DLG2: variants seen among roughly 807,000 people sequenced by gnomAD.
DLG2 encodes the protein disks large homolog 2.
A neutral mutation model predicts 132.5 loss-of-function variants in DLG2; 45 were observed. The observed-to-expected ratio is 0.34, with a 90% CI of 0.27 to 0.44. The LOEUF (loss-of-function observed/expected upper bound fraction) is 0.44, where lower values mean the gene tolerates loss of function less well. Ranked by LOEUF, DLG2 falls within the 20% of genes least tolerant of loss-of-function variation. DLG2 has a pLI of 1.00. For synonymous variants in DLG2, 424 were observed against 419.6 expected (o/e 1.01, Z -0.13); for missense variants, 1,045 against 1,196.9 (o/e 0.87, Z 1.87).
chr11:83,515,526 A>G (rs1209187740), intron 21 of DLG2, among the ~76,000 whole-genome samples: 2 of 151,960 alleles, frequency 1.3e-5, no homozygotes, highest in African/African-American at 4.8e-5. Context: ...TATTTCCTTC[A>G]GTTCTGCTCT....
chr11:85,316,063 T>TG (rs2080650147), intron 3 of DLG2, among the ~76,000 whole-genome samples: 1 of 152,036 alleles, frequency 6.6e-6, no homozygotes, highest in Non-Finnish European at 1.5e-5. Flanking sequence ...GTTGAATTAC[T>TG]GTTCACCACT....
chr11:85,560,875 T>A (rs990174824), intron 3 of DLG2, among the ~76,000 whole-genome samples: 2 of 150,284 alleles, frequency 1.3e-5, no homozygotes, highest in Non-Finnish European at 3.0e-5. Context: ...CTACAAAAAA[T>A]TTAAAAATTA....
intron 3 of DLG2, among the ~76,000 whole-genome samples, chr11:85,544,543 C>T (rs189889328): frequency 2.6e-5 from 4 of 152,262 alleles, no homozygotes; most frequent in Non-Finnish European, 5.9e-5. Context: ...TCAATGGTAG[C>T]TTGATAGGGA....
At chr11:84,547,269 T>G (rs193288746) in intron 6 of DLG2, among the ~76,000 whole-genome samples, 1 of 152,144 alleles carries the variant, frequency 6.6e-6, no homozygotes, top group East Asian at 1.9e-4. Flanking sequence ...AAGGAAAAAT[T>G]TTTGCCTTTT....
chr11:84,920,301 T>C (rs1566396033), intron 6 of DLG2, among the ~76,000 whole-genome samples: 1 of 152,210 alleles, frequency 6.6e-6, no homozygotes, highest in Non-Finnish European at 1.5e-5. Context: ...CTTAGCTCCA[T>C]GCTTTTGCCA....
chr11:85,157,663 A>G (rs1413926187), intron 4 of DLG2, among the ~76,000 whole-genome samples: 1 of 152,168 alleles, frequency 6.6e-6, no homozygotes, highest in Non-Finnish European at 1.5e-5. Flanking sequence ...GGAGCCTCAA[A>G]TCTGCTAAGA....
At chr11:85,208,602 C>A (rs1475692724) in intron 4 of DLG2, among the ~76,000 whole-genome samples, 1 of 152,168 alleles carries the variant, frequency 6.6e-6, no homozygotes, top group Non-Finnish European at 1.5e-5. Flanking sequence ...ATTCTGATCA[C>A]ATTTTCCCTG....
At chr11:84,257,679 A>AT (rs1172548999) in intron 7 of DLG2, among the ~76,000 whole-genome samples, 3,764 of 105,880 alleles carry the variant, frequency 0.036, 107 homozygotes, top group Non-Finnish European at 0.05. Context: ...TTATCTCTGG[A>AT]TTTTTTTTTT....
At chr11:84,887,015 T>G (rs1330887759) in intron 6 of DLG2, among the ~76,000 whole-genome samples, 1 of 152,118 alleles carries the variant, frequency 6.6e-6, no homozygotes, top group East Asian at 1.9e-4. Context: ...ACTGAAGAGA[T>G]TCTCTCTCTG....
At chr11:85,187,104 AG>A (rs2080166845) in intron 4 of DLG2, among the ~76,000 whole-genome samples, 1 of 152,140 alleles carries the variant, frequency 6.6e-6, no homozygotes, top group Non-Finnish European at 1.5e-5. Context: ...ATATCTTTGC[AG>A]TCAAAAAACC....
chr11:84,159,999 T>C (rs774443106), intron 9 of DLG2, among the ~76,000 whole-genome samples: 1 of 152,148 alleles, frequency 6.6e-6, no homozygotes, highest in Non-Finnish European at 1.5e-5. Context: ...AGGGCAGCAG[T>C]TACTTTGGCC....
intron 6 of DLG2, among the ~76,000 whole-genome samples, chr11:85,082,033 T>G (rs1306637744): frequency 6.6e-6 from 1 of 152,156 alleles, no homozygotes; most frequent in Non-Finnish European, 1.5e-5. Context: ...TATCCATAGT[T>G]TGTTGAACTT....
intron 6 of DLG2, among the ~76,000 whole-genome samples, chr11:85,056,285 G>A (rs568546055): frequency 1.3e-5 from 2 of 152,098 alleles, no homozygotes; most frequent in East Asian, 3.9e-4. Context: ...ATTTTAAGAT[G>A]TAGAAAGTAG....
intron 6 of DLG2, among the ~76,000 whole-genome samples, chr11:84,793,712 G>A (rs909726028): frequency 6.6e-6 from 1 of 152,056 alleles, no homozygotes; most frequent in Admixed American, 6.5e-5. Context: ...TCTGATATTA[G>A]TATAGCTACT....
chr11:84,430,036 C>A (rs1419316469), intron 7 of DLG2, among the ~76,000 whole-genome samples: 1 of 152,130 alleles, frequency 6.6e-6, no homozygotes, highest in Non-Finnish European at 1.5e-5. Flanking sequence ...TGAGTTGGGG[C>A]TAGGGTCACA....
intron 6 of DLG2, among the ~76,000 whole-genome samples, chr11:84,568,573 T>C (rs938015896): frequency 3.3e-5 from 5 of 152,142 alleles, no homozygotes; most frequent in Non-Finnish European, 5.9e-5. Flanking sequence ...TTCAGAAGCA[T>C]GTTGGGAGGC....
intron 7 of DLG2, among the ~76,000 whole-genome samples, chr11:84,408,343 A>G (rs946915830): frequency 4.6e-5 from 7 of 151,456 alleles, no homozygotes; most frequent in African/African-American, 1.5e-4. Context: ...CATGTTATAT[A>G]TATATATATA....
chr11:84,847,025 C>T (rs866874994), intron 6 of DLG2, among the ~76,000 whole-genome samples: 1 of 152,026 alleles, frequency 6.6e-6, no homozygotes, highest in African/African-American at 2.4e-5. Context: ...TTTAGAGACC[C>T]TCAGAAGAAT....
chr11:85,056,066 A>G (rs1195764777), intron 6 of DLG2, among the ~76,000 whole-genome samples: 2 of 152,276 alleles, frequency 1.3e-5, no homozygotes, highest in African/African-American at 4.8e-5. Context: ...TTTTTCATAT[A>G]TAATAACTGT....
Sources: gnomAD v4.1 joint callset for allele counts (sites outside exome capture counted in the v4.1 genomes callset) on GRCh38, gnomAD v4.1.1 for gene constraint, MANE v1.5 for transcripts, NCBI Gene and HGNC (gene_info 2026-07-23, HGNC 2026-07-21) for gene names.